Variants in ANKHD1 observed in about 807,000 individuals in gnomAD.
ANKHD1 encodes ankyrin repeat and KH domain containing 1.
A neutral mutation model predicts 230.5 loss-of-function variants in ANKHD1; 31 were observed. The observed-to-expected ratio is 0.13, with a 90% CI of 0.10 to 0.18. The LOEUF (loss-of-function observed/expected upper bound fraction) is 0.18. ANKHD1 is among the 10% of genes least tolerant of loss of function. The pLI, the probability that ANKHD1 is intolerant of heterozygous loss-of-function variation, is 1.00. For synonymous variants in ANKHD1, 1,074 were observed against 1,117.6 expected (o/e 0.96, Z 0.78); for missense variants, 2,256 against 3,071.3 (o/e 0.73, Z 6.27).
chr5:140,463,876 AG>A (rs1348165250), intron 9 of ANKHD1, among the ~76,000 whole-genome samples: 3 of 152,102 alleles, frequency 2.0e-5, no homozygotes, highest in South Asian at 4.2e-4. Flanking sequence ...CACGTTGCCC[AG>A]GCTGGTCTCA....
intron 7 of ANKHD1, among the ~76,000 whole-genome samples, chr5:140,449,529 G>A (rs1054860647): frequency 6.6e-6 from 1 of 152,104 alleles, no homozygotes; most frequent in African/African-American, 2.4e-5. Flanking sequence ...TGGGTATGGG[G>A]CGGGTGCCTG....
At chr5:140,526,500 C>T (rs1753611178) in intron 26 of ANKHD1, 57 bp downstream of exon 26, 1 of 1,532,254 alleles carries the variant, frequency 6.5e-7, no homozygotes, top group Admixed American at 2.1e-5. Flanking sequence ...ATGCCTGGTA[C>T]AAGAATTTGA....
chr5:140,415,872 TG>T (rs1239123220), intron 1 of ANKHD1, among the ~76,000 whole-genome samples: 1 of 152,174 alleles, frequency 6.6e-6, no homozygotes, highest in Non-Finnish European at 1.5e-5. Context: ...TGTGCCATGT[TG>T]GTGTGCTGTA....
chr5:140,530,763 G>A (rs993373197), intron 29 of ANKHD1, among the ~76,000 whole-genome samples: 4 of 152,176 alleles, frequency 2.6e-5, no homozygotes, highest in African/African-American at 4.8e-5. Context: ...AAATGTGGCC[G>A]ACCCAGAATA....
At position 140,506,065 on chromosome 5, in the gene ANKHD1, G is replaced by C. The variant is rs1752521811; in HGVS notation, c.3408+196G>C. 6.6e-6 allele frequency among the ~76,000 whole-genome samples: 1 copy of C among 152,070 alleles called. No homozygotes were observed. Among genetic ancestry groups the C allele is most frequent in the African/African-American group, 2.4e-5 (1 of 41,398 alleles). ...GCTCGCTATAACCTTGAACTCTGGG[G>C]CTCAAGCAATCCTCAGCCTCCCAAG... On this transcript the variant is annotated intron_variant, in intron 18 of 33. Coordinates refer to ENST00000360839, the MANE Select transcript of ANKHD1 (RefSeq NM_017747.3). This position sits in a 1 kb window ranked among gnomAD's most constrained non-coding sequence, Gnocchi z 4.7.
chr5:140,417,721 T>C (rs908864436), intron 1 of ANKHD1, among the ~76,000 whole-genome samples: 14 of 152,254 alleles, frequency 9.2e-5, no homozygotes, highest in African/African-American at 3.4e-4. Flanking sequence ...CCCAGAGTGC[T>C]GGGATTACAG....
At chr5:140,526,595 C>T in intron 26 of ANKHD1, 152 bp downstream of exon 26, 3 of 1,105,366 alleles carry the variant, frequency 2.7e-6, no homozygotes. Context: ...TGAAATTCAC[C>T]CATGTCCTCT....
In ANKHD1 at chr5:140,506,431, G is replaced by C. The variant is rs912256457; in HGVS notation, c.3409-404G>C. Among the ~76,000 whole-genome samples, 1 of 152,174 alleles carries C rather than the reference G, an allele frequency of 6.6e-6. No individual in the cohort carries two copies. Among genetic ancestry groups the C allele is most frequent in the African/African-American group, 2.4e-5 (1 of 41,444 alleles). ...CTGCCTTGGCCTCCCAAAGTGCTGG[G>C]ATTATAGGCATGAGCCACCATGCCT... On this transcript the variant is annotated intron_variant, in intron 18 of 33. Coordinates refer to ENST00000360839, the MANE Select transcript of ANKHD1 (RefSeq NM_017747.3). The surrounding 1 kb of genome is among the most constrained non-coding windows in gnomAD (Gnocchi z 4.7).
In ANKHD1 at chr5:140,526,942, T is replaced by G; in HGVS notation, c.4955T>G (p.Val1652Gly). 1 of 1,610,886 alleles carries G rather than the reference T, an allele frequency of 6.2e-7. No homozygotes were observed. Among genetic ancestry groups the G allele is most frequent in the Non-Finnish European group, 8.5e-7 (1 of 1,179,022 alleles). ...TCTCTTCTTAGACTTGAAGGTGAAG[T>G]GACTCCTAATTCCTTGTCAACCAGC... ...SKTQTRLEGE[V>G]TPNSLSTSYK... The change falls in exon 27 of 34, where the codon GTG becomes GGG. Residue 1652 changes from valine to glycine, a missense_variant. Physicochemically the swap from Val to Gly is moderately radical, Grantham distance 109. Around this residue, in one of 13 missense-constraint regions of ANKHD1, gnomAD observed 212 missense variants for 257.3 expected, o/e 0.82. Transcript: ENST00000360839.
At position 140,436,500 on chromosome 5, in the gene ANKHD1, C is replaced by G. The variant is rs924892853; in HGVS notation, c.460+243C>G. ...GTGGCTCACGCCTGTAATCCCAGCACTTTGGGAGGCTGAGGCAGGCGGATT... is the reference window on the plus strand; with the variant it reads ...GTGGCTCACGCCTGTAATCCCAGCAGTTTGGGAGGCTGAGGCAGGCGGATT... On this transcript the variant is annotated intron_variant, in intron 2 of 33. Transcript: ENST00000360839. 3.3e-5 allele frequency among the ~76,000 whole-genome samples: 5 copies of G among 152,234 alleles called. No homozygotes were observed. In the East Asian group the frequency reaches 9.6e-4, roughly 29 times the overall value.
intron 23 of ANKHD1, among the ~76,000 whole-genome samples, chr5:140,513,149 C>A (rs746932375): frequency 5.3e-5 from 8 of 152,144 alleles, no homozygotes; most frequent in Admixed American, 1.3e-4. Context: ...AGGTACTAAA[C>A]CATTAGCCTA....
At chr5:140,402,520 C>G (rs190258675) in intron 1 of ANKHD1, among the ~76,000 whole-genome samples, 1 of 152,270 alleles carries the variant, frequency 6.6e-6, no homozygotes, top group East Asian at 1.9e-4. Context: ...CTGAGCTTCG[C>G]GCGGGAACAG....
At chr5:140,487,511 ATAG>A (rs1363196654) in intron 14 of ANKHD1, among the ~76,000 whole-genome samples, 2 of 152,254 alleles carry the variant, frequency 1.3e-5, no homozygotes, top group Non-Finnish European at 2.9e-5. Context: ...AATGCTGAAT[ATAG>A]TAGATTATCA....
chr5:140,475,666 T>G (rs1750924335), intron 10 of ANKHD1, among the ~76,000 whole-genome samples: 1 of 152,134 alleles, frequency 6.6e-6, no homozygotes, highest in African/African-American at 2.4e-5. Flanking sequence ...CTTCTTGATT[T>G]AGGGAACAGA....
intron 20 of ANKHD1, among the ~76,000 whole-genome samples, chr5:140,509,427 G>A (rs555069026): frequency 1.5e-4 from 23 of 152,242 alleles, no homozygotes; most frequent in Non-Finnish European, 2.6e-4. Context: ...GTTCATTCTA[G>A]CACGTCTGAA....
chr5:140,493,932 G>T (rs536379849), intron 14 of ANKHD1, among the ~76,000 whole-genome samples: 2 of 152,316 alleles, frequency 1.3e-5, no homozygotes, highest in African/African-American at 4.8e-5. Flanking sequence ...TGAATGTCCA[G>T]TGGGGTCATA....
intron 1 of ANKHD1, among the ~76,000 whole-genome samples, chr5:140,416,792 CT>C (rs1329990188): frequency 2.0e-5 from 3 of 150,926 alleles, no homozygotes; most frequent in African/African-American, 7.3e-5. Flanking sequence ...ACCTGTTCTT[CT>C]TTTTTAAGAT....
intron 1 of ANKHD1, among the ~76,000 whole-genome samples, chr5:140,427,352 G>T (rs1415133631): frequency 7.1e-6 from 1 of 140,294 alleles, no homozygotes; most frequent in Non-Finnish European, 1.6e-5. Flanking sequence ...CCCGGACGGG[G>T]CGGCTGGCCA....
intron 24 of ANKHD1, among the ~76,000 whole-genome samples, chr5:140,518,468 G>A (rs1388193399): frequency 6.7e-5 from 10 of 149,752 alleles, no homozygotes; most frequent in East Asian, 5.9e-4. Context: ...TACCAAAGCC[G>A]GGCAGAGACA....
Sources: allele counts gnomAD v4.1 joint callset (sites outside exome capture counted in the v4.1 genomes callset), GRCh38; gene constraint gnomAD v4.1.1; regional missense constraint gnomAD v4.1.1; non-coding constraint Gnocchi (gnomAD v3.1); transcripts MANE v1.5; gene names NCBI Gene and HGNC (gene_info 2026-07-23, HGNC 2026-07-21).